The following ZNF362 variants were observed in gnomAD, a reference collection of about 807,000 sequenced individuals.
ZNF362 encodes rotund homolog.
In ZNF362, 11 loss-of-function variants were observed where a neutral mutation model predicts 42.9. That is an observed-to-expected ratio of 0.26 (90% CI 0.16 to 0.42). The LOEUF is 0.42. ZNF362 is among the 20% of genes least tolerant of loss of function. The pLI is 1.00. For synonymous variants in ZNF362, 255 were observed against 257.3 expected (o/e 0.99, Z 0.09); for missense variants, 362 against 576.2 (o/e 0.63, Z 3.81).
At chr1:33,189,700 CATATATACGTATATATATACAT>C in the ZNF362 span, among the ~76,000 whole-genome samples, 13 of 5,484 alleles carry the variant, frequency 2.4e-3, 1 homozygote, top group Non-Finnish European at 4.4e-3. Flanking sequence ...TATATATACA[CATATATACGTATATATATACAT>C]ACACACATAC....
the ZNF362 span, chr1:33,181,169 G>T: frequency 6.3e-7 from 1 of 1,597,056 alleles, no homozygotes. This position sits in a 1 kb window ranked among gnomAD's most constrained non-coding sequence, Gnocchi z 6.5. Context: ...GTCGCGCGGC[G>T]CGGCGCGCGT....
At chr1:33,228,271 C>T in the ZNF362 span, among the ~76,000 whole-genome samples, 1 of 152,126 alleles carries the variant, frequency 6.6e-6, no homozygotes, top group Non-Finnish European at 1.5e-5. Context: ...GTTGCCCAAG[C>T]CTGAAACCCA....
the ZNF362 span, among the ~76,000 whole-genome samples, chr1:33,216,915 A>C: frequency 6.6e-6 from 1 of 151,758 alleles, no homozygotes; most frequent in Non-Finnish European, 1.5e-5. Context: ...GGGGAACCAC[A>C]GAGAGCTTTT....
intron 6 of ZNF362, among the ~76,000 whole-genome samples, chr1:33,293,221 A>C (rs1354871113): frequency 6.6e-6 from 1 of 152,198 alleles, no homozygotes; most frequent in Non-Finnish European, 1.5e-5. Flanking sequence ...TACTGGGCAA[A>C]AGAGCTGGGG....
At chr1:33,206,841 T>G in the ZNF362 span, among the ~76,000 whole-genome samples, 2 of 152,210 alleles carry the variant, frequency 1.3e-5, no homozygotes, top group Admixed American at 1.3e-4. Flanking sequence ...TCGACATCAT[T>G]AATCATTAAG....
chr1:33,173,231 A>G, the ZNF362 span, among the ~76,000 whole-genome samples: 46 of 152,256 alleles, frequency 3.0e-4, no homozygotes, highest in Non-Finnish European at 5.0e-4. Context: ...CTCTGGCAAC[A>G]TCTGGCCAGT....
chr1:33,216,324 G>A, the ZNF362 span, among the ~76,000 whole-genome samples: 38 of 141,812 alleles, frequency 2.7e-4, no homozygotes, highest in South Asian at 7.5e-4. Context: ...AAAAAGGGCC[G>A]GGCGCGATGG....
At chr1:33,169,515 G>A in the ZNF362 span, among the ~76,000 whole-genome samples, 2 of 152,292 alleles carry the variant, frequency 1.3e-5, no homozygotes, top group Non-Finnish European at 1.5e-5. Context: ...AAGGGCAGAT[G>A]TATAAATGCT....
chr1:33,185,627 A>G, the ZNF362 span, among the ~76,000 whole-genome samples: 5 of 152,086 alleles, frequency 3.3e-5, no homozygotes, highest in Non-Finnish European at 1.5e-5. Flanking sequence ...GAACACTAAA[A>G]CTGTTGATTA....
At chr1:33,189,648 T>TATATATATGTATATATATAC in the ZNF362 span, among the ~76,000 whole-genome samples, 1 of 19,364 alleles carries the variant, frequency 5.2e-5, no homozygotes, top group African/African-American at 1.0e-4. Flanking sequence ...TATATATATA[T>TATATATATGTATATATATAC]ATATATATAT....
chr1:33,208,782 G>T, the ZNF362 span, among the ~76,000 whole-genome samples: 1 of 152,020 alleles, frequency 6.6e-6, no homozygotes, highest in Non-Finnish European at 1.5e-5. Context: ...TGTATCCTGA[G>T]ACTTTGCTGA....
At chr1:33,275,546 T>G (rs1645937996) in intron 2 of ZNF362, among the ~76,000 whole-genome samples, 1 of 152,234 alleles carries the variant, frequency 6.6e-6, no homozygotes, top group African/African-American at 2.4e-5. Flanking sequence ...AATAATCATT[T>G]GGGTCACTGT....
the ZNF362 span, among the ~76,000 whole-genome samples, chr1:33,161,049 C>T: frequency 3.3e-5 from 5 of 152,182 alleles, no homozygotes; most frequent in African/African-American, 7.2e-5. The surrounding 1 kb of genome is among the most constrained non-coding windows in gnomAD (Gnocchi z 4.3). Context: ...ACGTCAGTTG[C>T]CTAAGAGCTG....
chr1:33,142,207 T>G, the ZNF362 span: 1 of 152,294 alleles, frequency 6.6e-6, no homozygotes, highest in Non-Finnish European at 1.5e-5. Flanking sequence ...TTTGGGGTGG[T>G]GAACAGAGCT....
intron 1 of ZNF362, among the ~76,000 whole-genome samples, chr1:33,257,320 GAA>G (rs55688188): frequency 7.1e-6 from 1 of 141,756 alleles, no homozygotes; most frequent in African/African-American, 2.6e-5. Context: ...GCACTTTAAA[GAA>G]AAAAAAAAAG....
chr1:33,233,881 A>G, the ZNF362 span, among the ~76,000 whole-genome samples: 1 of 152,138 alleles, frequency 6.6e-6, no homozygotes, highest in Admixed American at 6.5e-5. Context: ...GCCTCCTCTC[A>G]ACTCTGTGTG....
At chr1:33,173,317 C>T in the ZNF362 span, among the ~76,000 whole-genome samples, 2 of 152,178 alleles carry the variant, frequency 1.3e-5, no homozygotes, top group East Asian at 1.9e-4. Context: ...CAGACCTGGC[C>T]GGGCTGCACT....
intron 1 of ZNF362, among the ~76,000 whole-genome samples, chr1:33,263,381 C>T (rs1645842280): frequency 6.6e-6 from 1 of 151,994 alleles, no homozygotes; most frequent in South Asian, 2.1e-4. Flanking sequence ...CGGAGGTAGA[C>T]AGGCACTATA....
At chr1:33,262,323 G>GTATTTTTAGT (rs1645833913) in intron 1 of ZNF362, among the ~76,000 whole-genome samples, 1 of 42,832 alleles carries the variant, frequency 2.3e-5, no homozygotes, top group East Asian at 7.2e-4. Context: ...TTTTTTTTTT[G>GTATTTTTAGT]AGATGGAATC....
Sources: allele counts gnomAD v4.1 joint callset (sites outside exome capture counted in the v4.1 genomes callset), GRCh38; gene constraint gnomAD v4.1.1; non-coding constraint Gnocchi (gnomAD v3.1); transcripts MANE v1.5; gene names NCBI Gene and HGNC (gene_info 2026-07-23, HGNC 2026-07-21).